Variants in SLC22A17 observed in about 807,000 individuals in gnomAD.
SLC22A17 encodes 24p3 receptor.
A neutral mutation model predicts 53.6 loss-of-function variants in SLC22A17; 38 were observed. The ratio of observed to expected loss-of-function variants is 0.71; its 90% CI spans 0.55 to 0.93. The LOEUF (loss-of-function observed/expected upper bound fraction) is 0.93. Among genes scored for constraint, SLC22A17 ranks in the 40% least tolerant of loss-of-function variants. The probability of loss-of-function intolerance (pLI) is 0.00; values close to 1 mark genes in which losing one functional copy is unlikely to be tolerated. For synonymous variants in SLC22A17, 379 were observed against 353.0 expected (o/e 1.07, Z -0.82); for missense variants, 704 against 791.0 (o/e 0.89, Z 1.32).
At position 23,348,136 on chromosome 14, in the gene SLC22A17, A is replaced by C; in HGVS notation, c.1171+25T>G. Reference sequence around the variant, plus strand: ...CCATCATGTGTGCAAGTGAGGCAACACTCACAGGGATCCCTGTCTCTTACC... The same window carrying C: ...CCATCATGTGTGCAAGTGAGGCAACCCTCACAGGGATCCCTGTCTCTTACC... On this transcript the variant is annotated intron_variant, in intron 6 of 9. Coordinates refer to ENST00000397267, the Ensembl canonical transcript of SLC22A17. This position sits in a 1 kb window ranked among gnomAD's most constrained non-coding sequence, Gnocchi z 4.5. 4 of 1,613,370 alleles carry C rather than the reference A, an allele frequency of 2.5e-6. No individual in the cohort carries two copies. In the South Asian group the frequency reaches 4.4e-5, roughly 18 times the overall value.
chr14:23,346,638 C>A, exon 10 of SLC22A17: 1 of 1,474,154 alleles, frequency 6.8e-7, no homozygotes, highest in East Asian at 2.4e-5. Flanking sequence ...CCAGGGTACT[C>A]AGAGGCCGCT....
intron 3 of SLC22A17, 194 bp from the exon 4 acceptor site, chr14:23,349,620 G>A (rs890647558): frequency 4.1e-5 from 26 of 631,484 alleles, no homozygotes; most frequent in Non-Finnish European, 7.1e-5. Flanking sequence ...GGGCACTGGG[G>A]TGTGGTTGTG....
chr14:23,347,978 G>A lies in SLC22A17; in HGVS notation c.1190C>T (p.Pro397Leu), dbSNP rs934985607. ...GGAAAAGGAGGATGTTGCAGGGAGAGGGCAGGTATTCTCCAGGTCTTTGGG... is the reference window on the plus strand; with the variant it reads ...GGAAAAGGAGGATGTTGCAGGGAGAAGGCAGGTATTCTCCAGGTCTTTGGG... Residue 397 changes from proline to leucine, a missense_variant, in exon 7 of 10, where the codon CCT becomes CTT. This residue lies in a region of SLC22A17 where 435 missense variants were observed against 529.0 expected (regional missense o/e 0.82). Coordinates refer to ENST00000397267, the Ensembl canonical transcript of SLC22A17. This position sits in a 1 kb window ranked among gnomAD's most constrained non-coding sequence, Gnocchi z 5.1. 2.5e-6 allele frequency: 4 copies of A among 1,614,158 alleles called. No individual in the cohort carries two copies. Among genetic ancestry groups the A allele is most frequent in the East Asian group, 2.2e-5 (1 of 44,882 alleles).
At position 23,348,444 on chromosome 14, in the gene SLC22A17, C is replaced by T. The variant is rs1595008297; in HGVS notation, c.1025+62G>A. The T allele has an allele frequency of 1.3e-6, 2 of 1,591,674 alleles. No individual in the cohort carries two copies. The highest frequency in any genetic ancestry group is 4.5e-5 in the East Asian group (2 of 44,674). On this transcript the variant is annotated intron_variant, in intron 5 of 9. Coordinates refer to ENST00000397267, the Ensembl canonical transcript of SLC22A17. This position sits in a 1 kb window ranked among gnomAD's most constrained non-coding sequence, Gnocchi z 4.5. ...TTGGAGAAGAGGAGGGGTCTCCGGG[C>T]TAGGGCTAGTTTGGAGGCAGAGATG...
At position 23,346,932 on chromosome 14, in the gene SLC22A17, G is replaced by C. The variant is rs748739899; in HGVS notation, c.1666C>G (p.Arg556Gly). 3.3e-6 allele frequency: 5 copies of C among 1,531,512 alleles called. No homozygotes were observed. The South Asian group carries it at 4.8e-5, about 15-fold the overall frequency. The allele number at this position is 1,531,512 out of a possible 1,614,324, so 94.9% of individuals were successfully genotyped here. The change falls in exon 10 of 10, where the codon CGT becomes GGT. Residue 556 changes from arginine (R) to glycine (G), a missense_variant. This residue lies in a region of SLC22A17 where 196 missense variants were observed against 171.5 expected (regional missense o/e 1.14). Transcript: ENST00000397267. ...AGAGCCATGATCAGGCCCAGGCCAC[G>C]GCCCCTGGGGGGAGACAGAGGAGGA... is the stretch of plus-strand genomic sequence containing the variant.
Position 23,347,285 on chromosome 14 carries a change from C to G in SLC22A17, c.1550-73G>C. Reference sequence around the variant, plus strand: ...CTGGCCTAGTCCCGGGTGTCATCCCCTTGGCTCTCTGTTCCCATGGCTCTA... The same window carrying G: ...CTGGCCTAGTCCCGGGTGTCATCCCGTTGGCTCTCTGTTCCCATGGCTCTA... On this transcript the variant is annotated intron_variant, in intron 8 of 9. Coordinates refer to ENST00000397267, the Ensembl canonical transcript of SLC22A17. This position sits in a 1 kb window ranked among gnomAD's most constrained non-coding sequence, Gnocchi z 5.1. 6.7e-7 allele frequency: 1 copy of G among 1,493,308 alleles called. No individual in the cohort carries two copies. The highest frequency in any genetic ancestry group is 1.3e-5 in the South Asian group (1 of 79,014). The allele number at this position is 1,493,308 out of a possible 1,614,324, so 92.5% of individuals were successfully genotyped here.
exon 10 of SLC22A17, chr14:23,346,451 CT>C (rs1812445358): frequency 3.0e-6 from 2 of 659,302 alleles, no homozygotes; most frequent in African/African-American, 3.7e-5. Flanking sequence ...TCCCTGTCCC[CT>C]GACTCTGGCC....
rs1889695079 is a variant in SLC22A17 at position 23,352,341 on chromosome 14, C to T, written c.207G>A (p.Leu69=). The T allele has an allele frequency of 8.9e-7, 1 of 1,124,340 alleles. No individual in the cohort carries two copies. Among genetic ancestry groups the T allele is most frequent in the South Asian group, 1.9e-5 (1 of 52,338 alleles). 69.6% of individuals were successfully genotyped at this position (1,124,340 alleles called of 1,614,324 possible). A position where few individuals can be genotyped will look rare whatever the true frequency, so the allele number is the denominator to read the frequency against. Residue 69 remains leucine, a synonymous_variant, in exon 2 of 10, where the codon CTG becomes CTA. Coordinates refer to ENST00000397267, the Ensembl canonical transcript of SLC22A17. The surrounding 1 kb of genome is among the most constrained non-coding windows in gnomAD (Gnocchi z 7.2). ...GGGGGCCTGGGGGCACGGCCAGCGACAGGCTGCTGCCCAGTCCGTCGCCGC... is the reference window on the plus strand; with the variant it reads ...GGGGGCCTGGGGGCACGGCCAGCGATAGGCTGCTGCCCAGTCCGTCGCCGC...
rs1889413726 is a variant in SLC22A17, at chr14:23,348,697, A to C, written c.860-26T>G. The C allele has an allele frequency of 6.3e-7, 1 of 1,582,672 alleles. No homozygotes were observed. Among genetic ancestry groups the C allele is most frequent in the Non-Finnish European group, 8.6e-7 (1 of 1,165,640 alleles). ...CTGGAGATACAGCAGGGGTGGAGAG[A>C]GGAGAGGGAGGCCAGGGAGGAAGAA... On this transcript the variant is annotated intron_variant, in intron 4 of 9. Coordinates refer to ENST00000397267, the Ensembl canonical transcript of SLC22A17. This position sits in a 1 kb window ranked among gnomAD's most constrained non-coding sequence, Gnocchi z 4.5.
rs760776496 is a variant in SLC22A17 at position 23,347,877 on chromosome 14, AC to A, written c.1277+13del. 7 of 1,613,734 alleles carry A rather than the reference AC, an allele frequency of 4.3e-6. No homozygotes were observed. The South Asian group carries it at 4.4e-5, about 10-fold the overall frequency. On this transcript the variant is annotated intron_variant, in intron 7 of 9. Transcript: ENST00000397267. The surrounding 1 kb of genome is among the most constrained non-coding windows in gnomAD (Gnocchi z 5.1). The stretch of plus-strand genomic sequence containing the variant: ...GCTACTGGCCTGGCCCTCAGCCCAG[AC>A]ACCCAGGCTCACTTGGTGAAGCCCA...
At chr14:23,350,220 C>A (rs1049717007) in intron 3 of SLC22A17, among the ~76,000 whole-genome samples, 5 of 152,080 alleles carry the variant, frequency 3.3e-5, no homozygotes, top group African/African-American at 9.7e-5. Context: ...AGGAGAATCG[C>A]TTGAACCTGG....
exon 10 of SLC22A17, chr14:23,346,700 G>A (rs534388406): frequency 6.5e-7 from 1 of 1,540,754 alleles, no homozygotes; most frequent in Non-Finnish European, 8.7e-7. Context: ...ACAGCGGGTA[G>A]GGGGTGGCTG....
chr14:23,349,287 C>A, exon 4 of SLC22A17: 1 of 1,613,926 alleles, frequency 6.2e-7, no homozygotes, highest in Non-Finnish European at 8.5e-7. Flanking sequence ...AGGTAGACAC[C>A]CAGGTCAACA....
chr14:23,351,668 A>G, intron 3 of SLC22A17, 84 bp downstream of exon 3: 1 of 1,171,630 alleles, frequency 8.5e-7, no homozygotes, highest in Non-Finnish European at 1.2e-6. Context: ...ATCGTCTTCG[A>G]CCTCCTGTAA....
At chr14:23,346,528 T>C (rs918905518) in exon 10 of SLC22A17, 5 of 1,272,042 alleles carry the variant, frequency 3.9e-6, no homozygotes, top group Non-Finnish European at 5.2e-6. Context: ...CTCTCCGCGA[T>C]GGCTGGCGTG....
chr14:23,350,446 T>G (rs1387905965), intron 3 of SLC22A17, among the ~76,000 whole-genome samples: 3 of 152,072 alleles, frequency 2.0e-5, no homozygotes, highest in Non-Finnish European at 4.4e-5. Flanking sequence ...AAGGATAAGG[T>G]CACAGACCAG....
intron 3 of SLC22A17, 74 bp from the exon 4 acceptor site, chr14:23,349,500 C>A: frequency 6.6e-7 from 1 of 1,506,448 alleles, no homozygotes; most frequent in South Asian, 1.2e-5. Flanking sequence ...GACCCAGCTG[C>A]ACACTTCAGA....
At chr14:23,349,194 G>A (rs1483259557) in intron 4 of SLC22A17, 78 bp downstream of exon 4, 3 of 1,572,882 alleles carry the variant, frequency 1.9e-6, no homozygotes, top group Admixed American at 3.3e-5. Context: ...TGGCCTAGGG[G>A]GCAGTGAGGA....
Position 23,348,002 on chromosome 14 carries a change from GGA to G in SLC22A17, c.1172-8_1172-7del, listed in dbSNP as rs768697583. 1.2e-6 allele frequency: 2 copies of G among 1,613,748 alleles called. No homozygotes were observed. The highest frequency in any genetic ancestry group is 4.5e-5 in the East Asian group (2 of 44,876). On this transcript the variant is annotated splice_region_variant and splice_polypyrimidine_tract_variant and intron_variant, in intron 6 of 9. Transcript: ENST00000397267. This position sits in a 1 kb window ranked among gnomAD's most constrained non-coding sequence, Gnocchi z 4.5. Reference sequence around the variant, plus strand: ...AGGGCAGGTATTCTCCAGGTCTTTGGGAGAGAGAGAGGAGCTGTCAGAAGAAA... The same window carrying G: ...AGGGCAGGTATTCTCCAGGTCTTTGGGAGAGAGAGGAGCTGTCAGAAGAAA...
Sources: allele counts gnomAD v4.1 joint callset (sites outside exome capture counted in the v4.1 genomes callset), GRCh38; gene constraint gnomAD v4.1.1; regional missense constraint gnomAD v4.1.1; non-coding constraint Gnocchi (gnomAD v3.1); transcripts MANE v1.5; gene names NCBI Gene and HGNC (gene_info 2026-07-23, HGNC 2026-07-21).